The following PRORP variants were observed in gnomAD, a reference collection of about 807,000 sequenced individuals.
PRORP encodes the protein mitochondrial ribonuclease P catalytic subunit.
In PRORP, 51 loss-of-function variants were observed where a neutral mutation model predicts 59.4. That is an observed-to-expected ratio of 0.86 (90% confidence interval 0.69 to 1.08). The LOEUF (loss-of-function observed/expected upper bound fraction) is 1.08, where lower values mean the gene tolerates loss of function less well. Among genes scored for constraint, PRORP ranks in the 50% least tolerant of loss-of-function variants. The pLI, the probability that PRORP is intolerant of heterozygous loss-of-function variation, is 0.00. For missense variants in PRORP, 646 were observed against 690.3 expected (o/e 0.94, Z 0.72); for synonymous variants, 231 against 245.6 (o/e 0.94, Z 0.55).
intron 5 of PRORP, chr14:35,235,631 A>G: frequency 2.2e-6 from 1 of 457,678 alleles, no homozygotes; most frequent in Non-Finnish European, 4.2e-6. Flanking sequence ...GGCCTGGACA[A>G]ACAGCCTCTG....
chr14:35,169,848 GA>G (rs1276317493), intron 4 of PRORP, among the ~76,000 whole-genome samples: 4 of 152,216 alleles, frequency 2.6e-5, no homozygotes, highest in Non-Finnish European at 2.9e-5. Flanking sequence ...GTGTCCTACA[GA>G]TATAGATTTG....
At chr14:35,178,086 G>T (rs1306587235) in intron 4 of PRORP, among the ~76,000 whole-genome samples, 1 of 152,192 alleles carries the variant, frequency 6.6e-6, no homozygotes, top group Non-Finnish European at 1.5e-5. Flanking sequence ...GTTCTAGTTT[G>T]ATTGCACTGT....
intron 4 of PRORP, among the ~76,000 whole-genome samples, chr14:35,171,905 C>T (rs2048320311): frequency 1.3e-5 from 2 of 152,082 alleles, no homozygotes; most frequent in Admixed American, 1.3e-4. Context: ...CTGCCATCTC[C>T]AATCTGCTGT....
chr14:35,194,492 A>G (rs1386415896), intron 5 of PRORP, among the ~76,000 whole-genome samples: 2 of 152,098 alleles, frequency 1.3e-5, no homozygotes, highest in African/African-American at 2.4e-5. Context: ...GTGAGAACAC[A>G]TGGACACAGG....
chr14:35,198,332 C>T (rs995265907), intron 5 of PRORP, among the ~76,000 whole-genome samples: 13 of 152,190 alleles, frequency 8.5e-5, no homozygotes, highest in African/African-American at 3.1e-4. Context: ...CTATTCACAA[C>T]ATTCTTGTTA....
chr14:35,134,978 C>T (rs904320651), intron 4 of PRORP, among the ~76,000 whole-genome samples: 3 of 152,160 alleles, frequency 2.0e-5, no homozygotes, highest in African/African-American at 7.2e-5. Context: ...TGGGCAATTT[C>T]CCTCTGGCTA....
intron 5 of PRORP, among the ~76,000 whole-genome samples, chr14:35,255,765 A>C: frequency 6.6e-6 from 1 of 152,200 alleles, no homozygotes. Context: ...GGTAAAATCT[A>C]AATGGAGGAA....
rs1472618725 is a variant in PRORP, at chr14:35,275,137, T to C, written c.*1571T>C. On this transcript the variant is annotated 3_prime_UTR_variant, in exon 8 of 8. Coordinates refer to ENST00000534898, the MANE Select transcript of PRORP (RefSeq NM_014672.4). Reference sequence around the variant, plus strand: ...AAGTTTCTTATATTGATTTGGGTAATAGTAACATAGCTATATGTATATATT... The same window carrying C: ...AAGTTTCTTATATTGATTTGGGTAACAGTAACATAGCTATATGTATATATT... The C allele has an allele frequency of 1.3e-5, 2 of 152,176 alleles. No individual in the cohort carries two copies. Among genetic ancestry groups the C allele is most frequent in the African/African-American group, 2.4e-5 (1 of 41,430 alleles). The allele number at this position is 152,176 out of a possible 1,614,324, so 9.4% of individuals were successfully genotyped here.
At chr14:35,254,816 G>A (rs142266484) in intron 5 of PRORP, among the ~76,000 whole-genome samples, 8 of 152,222 alleles carry the variant, frequency 5.3e-5, no homozygotes, top group Non-Finnish European at 8.8e-5. Context: ...TTTCTGGCAC[G>A]TCCCATGTCA....
chr14:35,131,481 G>A (rs2047235957), intron 4 of PRORP, among the ~76,000 whole-genome samples: 1 of 151,412 alleles, frequency 6.6e-6, no homozygotes, highest in African/African-American at 2.4e-5. Context: ...GCTGCCAGAT[G>A]TATTTTAGCT....
intron 5 of PRORP, among the ~76,000 whole-genome samples, chr14:35,193,469 G>GTAA (rs936993884): frequency 6.6e-6 from 1 of 152,104 alleles, no homozygotes; most frequent in African/African-American, 2.4e-5. Flanking sequence ...AGGTCATTTG[G>GTAA]TAAAGTGTTT....
Position 35,200,354 on chromosome 14 carries a change from G to A in PRORP, c.1275+19577G>A, listed in dbSNP as rs574300546. On this transcript the variant is annotated intron_variant, in intron 5 of 7. Transcript: ENST00000534898. Reference sequence around the variant, plus strand: ...TTACAGGCACCCACCACCACGCCCAGCTAATTTTTGTATTTTTAGTAGAGG... The same window carrying A: ...TTACAGGCACCCACCACCACGCCCAACTAATTTTTGTATTTTTAGTAGAGG... 1.8e-3 allele frequency among the ~76,000 whole-genome samples: 275 copies of A among 152,118 alleles called. 3 individuals carry two copies. The highest frequency in any genetic ancestry group is 6.4e-3 in the African/African-American group (264 of 41,488).
At chr14:35,182,133 G>A (rs372367450) in intron 5 of PRORP, among the ~76,000 whole-genome samples, 2 of 151,088 alleles carry the variant, frequency 1.3e-5, no homozygotes, top group Admixed American at 1.3e-4. Flanking sequence ...GGGCATGATG[G>A]CGCACACCTG....
At chr14:35,256,396 A>G (rs972326409) in intron 5 of PRORP, among the ~76,000 whole-genome samples, 3 of 126,866 alleles carry the variant, frequency 2.4e-5, no homozygotes, top group Non-Finnish European at 3.2e-5. Context: ...CAGTGGTGCA[A>G]TCTCAGCTCA....
intron 4 of PRORP, among the ~76,000 whole-genome samples, chr14:35,173,486 A>G (rs1321426031): frequency 1.3e-5 from 2 of 152,006 alleles, no homozygotes; most frequent in African/African-American, 2.4e-5. Context: ...TGTGCAGATC[A>G]TGTTTTACCC....
intron 5 of PRORP, among the ~76,000 whole-genome samples, chr14:35,257,884 A>G (rs2050799016): frequency 6.6e-6 from 1 of 152,146 alleles, no homozygotes; most frequent in South Asian, 2.1e-4. Context: ...TTACTGAGAA[A>G]AACTCTTGCT....
intron 4 of PRORP, among the ~76,000 whole-genome samples, chr14:35,177,461 T>C (rs2048482795): frequency 6.6e-6 from 1 of 152,134 alleles, no homozygotes; most frequent in Non-Finnish European, 1.5e-5. Context: ...TTCTTCCTGG[T>C]TTAGTCTTGG....
intron 5 of PRORP, among the ~76,000 whole-genome samples, chr14:35,212,694 G>T (rs1350911236): frequency 6.6e-6 from 1 of 152,154 alleles, no homozygotes. Context: ...GCACAGGCAG[G>T]GTAGATTTAG....
intron 5 of PRORP, among the ~76,000 whole-genome samples, chr14:35,258,136 C>G (rs1325586720): frequency 1.3e-5 from 2 of 151,772 alleles, no homozygotes; most frequent in African/African-American, 4.8e-5. Flanking sequence ...AAATTCAAAC[C>G]AAATATTAAT....
Sources: allele counts gnomAD v4.1 joint callset (sites outside exome capture counted in the v4.1 genomes callset), GRCh38; gene constraint gnomAD v4.1.1; transcripts MANE v1.5; gene names NCBI Gene and HGNC (gene_info 2026-07-23, HGNC 2026-07-21).